The following PRKN variants were observed in gnomAD, a reference collection of about 807,000 sequenced individuals.
PRKN encodes E3 ubiquitin-protein ligase parkin.
PRKN carries 56 observed loss-of-function variants against 59.5 expected under a neutral mutation model. That is an observed-to-expected ratio of 0.94 (90% confidence interval 0.76 to 1.18). The LOEUF (loss-of-function observed/expected upper bound fraction) is 1.18, where lower values mean the gene tolerates loss of function less well. PRKN is among the 50% of genes most tolerant of loss of function. The probability of loss-of-function intolerance (pLI) is 0.00; values close to 1 mark genes in which losing one functional copy is unlikely to be tolerated. For missense variants in PRKN, 657 were observed against 596.4 expected, an observed-to-expected ratio of 1.10 and a Z score of -1.06; for synonymous variants, 250 against 222.1, an observed-to-expected ratio of 1.13 and a Z score of -1.12.
Position 162,213,363 on chromosome 6 carries a change from T to C in PRKN, c.413-12111A>G, listed in dbSNP as rs77020654. 1.5e-3 allele frequency among the ~76,000 whole-genome samples: 228 copies of C among 152,282 alleles called. 6 individuals are homozygous for C. In the East Asian group the frequency reaches 0.036, roughly 24 times the overall value. On this transcript the variant is annotated intron_variant, in intron 3 of 11. Transcript: ENST00000366898. ...TTCAAATCCTAGAATAACACTGAGA[T>C]GTATTCCGAAACACCGTGAAGGGTA...
At chr6:161,861,919 G>T (rs1793920525) in intron 6 of PRKN, among the ~76,000 whole-genome samples, 1 of 152,102 alleles carries the variant, frequency 6.6e-6, no homozygotes, top group Non-Finnish European at 1.5e-5. Context: ...TCCTATCAAG[G>T]GGAGGCCAGA....
chr6:161,839,736 C>T (rs939919581), intron 6 of PRKN, among the ~76,000 whole-genome samples: 2 of 152,132 alleles, frequency 1.3e-5, no homozygotes. Flanking sequence ...TTGGATGCTA[C>T]GTGGAGCTAC....
rs1451935449 is a variant in PRKN at position 162,297,643 on chromosome 6, T to A, written c.172-34878A>T. Among the ~76,000 whole-genome samples the A allele has an allele frequency of 8.2e-4, 124 of 152,146 alleles. 2 individuals are homozygous for A. Among genetic ancestry groups the A allele is most frequent in the Non-Finnish European group, 4.4e-5 (3 of 68,042 alleles). ...CATGAACACATTTAATCTATAGTGG[T>A]TGTTCTCAGAGTAACAGAAAAAAAA... On this transcript the variant is annotated intron_variant, in intron 2 of 11. Transcript: ENST00000366898.
At chr6:161,500,048 G>C (rs554620557) in intron 9 of PRKN, among the ~76,000 whole-genome samples, 14 of 152,188 alleles carry the variant, frequency 9.2e-5, no homozygotes, top group African/African-American at 3.4e-4. Context: ...AAAATCTCAC[G>C]CATCTTTAAG....
intron 7 of PRKN, among the ~76,000 whole-genome samples, chr6:161,741,790 A>G (rs1300705059): frequency 1.3e-5 from 2 of 152,080 alleles, no homozygotes; most frequent in Non-Finnish European, 2.9e-5. Flanking sequence ...CCCATGTGAT[A>G]TGGTTTGGCT....
At chr6:161,609,447 G>A (rs939729267) in intron 7 of PRKN, among the ~76,000 whole-genome samples, 2 of 151,952 alleles carry the variant, frequency 1.3e-5, no homozygotes, top group Admixed American at 6.6e-5. Flanking sequence ...ATAACTATTT[G>A]GTGAAACTAC....
chr6:161,656,657 T>G (rs1056658964), intron 7 of PRKN, among the ~76,000 whole-genome samples: 6 of 152,178 alleles, frequency 3.9e-5, no homozygotes, highest in African/African-American at 1.2e-4. Flanking sequence ...AACTTTTCAT[T>G]TGAATTCCAG....
At chr6:162,633,680 T>G (rs1020659396) in intron 1 of PRKN, among the ~76,000 whole-genome samples, 3 of 151,870 alleles carry the variant, frequency 2.0e-5, no homozygotes, top group Non-Finnish European at 4.4e-5. Flanking sequence ...ATGACTGGTG[T>G]CCCCAGAACA....
chr6:161,368,637 C>A (rs1455812399), intron 10 of PRKN, among the ~76,000 whole-genome samples: 1 of 151,362 alleles, frequency 6.6e-6, no homozygotes, highest in Non-Finnish European at 1.5e-5. Context: ...ACCCAGCCCC[C>A]CTCCCCTCAC....
At chr6:161,842,802 C>A (rs1463005023) in intron 6 of PRKN, among the ~76,000 whole-genome samples, 1 of 152,136 alleles carries the variant, frequency 6.6e-6, no homozygotes, top group Non-Finnish European at 1.5e-5. Context: ...CCCTCCTCGG[C>A]CTCCCAAAGT....
intron 4 of PRKN, among the ~76,000 whole-genome samples, chr6:162,071,656 C>G (rs6455796): frequency 0.83 from 124,988 of 151,144 alleles, 51,811 homozygotes; most frequent in Admixed American, 0.88. Flanking sequence ...GAGTGCAGTA[C>G]TGCGATCCTG....
intron 7 of PRKN, among the ~76,000 whole-genome samples, chr6:161,651,982 T>C (rs1784165960): frequency 6.6e-6 from 1 of 152,238 alleles, no homozygotes; most frequent in Non-Finnish European, 1.5e-5. Context: ...GTTTCTGAAG[T>C]ACAGAATTCA....
In PRKN at chr6:161,356,809, A is replaced by C. The variant is rs1480934734; in HGVS notation, c.1285+3279T>G. On this transcript the variant is annotated intron_variant, in intron 11 of 11. Coordinates refer to ENST00000366898, the MANE Select transcript of PRKN (RefSeq NM_004562.3). This position sits in a 1 kb window ranked among gnomAD's most constrained non-coding sequence, Gnocchi z 7.8. ...GAGCTGTCCATTGAACAATCAGTGG[A>C]GACACTAAGGAAGCAGCTGGCTATT... 6.6e-6 allele frequency among the ~76,000 whole-genome samples: 1 copy of C among 152,064 alleles called. No individual in the cohort carries two copies. The highest frequency in any genetic ancestry group is 6.5e-5 in the Admixed American group (1 of 15,272).
At chr6:162,140,203 CT>C (rs1562536241) in intron 4 of PRKN, among the ~76,000 whole-genome samples, 1 of 152,154 alleles carries the variant, frequency 6.6e-6, no homozygotes, top group East Asian at 1.9e-4. Flanking sequence ...TCCAACTTCC[CT>C]TTTAGTTTCC....
At chr6:162,158,403 T>A (rs902167684) in intron 4 of PRKN, among the ~76,000 whole-genome samples, 16 of 10,222 alleles carry the variant, frequency 1.6e-3, no homozygotes, top group Admixed American at 2.2e-3. Flanking sequence ...AAGCTTTTTG[T>A]TTGTTTGTTT....
intron 6 of PRKN, among the ~76,000 whole-genome samples, chr6:161,874,998 A>ACTTTATT (rs1794657989): frequency 1.1e-5 from 1 of 92,340 alleles, no homozygotes; most frequent in Admixed American, 1.5e-4. Flanking sequence ...CTTTATATAT[A>ACTTTATT]ATATATTATA....
rs138693983 is a variant in PRKN, at chr6:162,257,142, C to A, written c.412+5383G>T. On this transcript the variant is annotated intron_variant, in intron 3 of 11. Coordinates refer to ENST00000366898, the MANE Select transcript of PRKN (RefSeq NM_004562.3). ...GCTGACACTCCTTCCCGCTCTATTTCATGACATGTCTCCTCTCCTTTTGGA... is the reference window on the plus strand; with the variant it reads ...GCTGACACTCCTTCCCGCTCTATTTAATGACATGTCTCCTCTCCTTTTGGA... Among the ~76,000 whole-genome samples, 633 of 152,252 alleles carry A rather than the reference C, an allele frequency of 4.2e-3. 7 individuals carry two copies. The highest frequency in any genetic ancestry group is 0.015 in the African/African-American group (609 of 41,554).
Position 162,653,995 on chromosome 6 carries a change from CAG to C in PRKN, c.7+73665_7+73666del, listed in dbSNP as rs575607328. On this transcript the variant is annotated intron_variant, in intron 1 of 11. Transcript: ENST00000366898. ...TACTCACTGGCACTCTTTTTGAAGG[CAG>C]AGAGGACTTTAGGTACTTCACATAA... 2.2e-3 allele frequency among the ~76,000 whole-genome samples: 333 copies of C among 152,246 alleles called. 2 individuals carry two copies. Among genetic ancestry groups the C allele is most frequent in the Non-Finnish European group, 2.8e-3 (192 of 68,014 alleles).
intron 2 of PRKN, among the ~76,000 whole-genome samples, chr6:162,309,815 T>A (rs1313585551): frequency 6.6e-6 from 1 of 152,130 alleles, no homozygotes; most frequent in East Asian, 1.9e-4. Context: ...CACCCAGGTA[T>A]TAAGCCAAGT....
Sources: gnomAD v4.1 joint callset for allele counts (sites outside exome capture counted in the v4.1 genomes callset) on GRCh38, gnomAD v4.1.1 for gene constraint, Gnocchi (gnomAD v3.1) non-coding constraint, MANE v1.5 for transcripts, NCBI Gene and HGNC (gene_info 2026-07-23, HGNC 2026-07-21) for gene names.